ZNF804B: variants seen among roughly 807,000 people sequenced by gnomAD.
ZNF804B encodes zinc finger 804B.
In ZNF804B, 80 loss-of-function variants were observed where a neutral mutation model predicts 101.4. That is an observed-to-expected ratio of 0.79 (90% confidence interval 0.66 to 0.95). ZNF804B has a LOEUF of 0.95. Among genes scored for constraint, ZNF804B ranks in the 40% least tolerant of loss-of-function variants. The pLI is 0.00. For missense variants in ZNF804B, 1,673 were observed against 1,561.9 expected (o/e 1.07, Z -1.20); for synonymous variants, 622 against 558.8 (o/e 1.11, Z -1.59).
At chr7:89,191,788 C>A (rs1472721584) in intron 1 of ZNF804B, among the ~76,000 whole-genome samples, 1 of 151,822 alleles carries the variant, frequency 6.6e-6, no homozygotes, top group Non-Finnish European at 1.5e-5. Flanking sequence ...AAATTAATTG[C>A]CTGAGGACAT....
intron 1 of ZNF804B, among the ~76,000 whole-genome samples, chr7:88,788,065 G>T (rs553666932): frequency 6.6e-6 from 1 of 152,084 alleles, no homozygotes; most frequent in African/African-American, 2.4e-5. Context: ...AACAAAGAGG[G>T]TATAGGGAGG....
chr7:88,941,415 A>AT (rs1434151054), intron 1 of ZNF804B, among the ~76,000 whole-genome samples: 1 of 152,074 alleles, frequency 6.6e-6, no homozygotes, highest in East Asian at 1.9e-4. Context: ...AGATAAGGGA[A>AT]TATTATTCAG....
chr7:89,139,128 T>C (rs1430559003), intron 1 of ZNF804B, among the ~76,000 whole-genome samples: 2 of 152,100 alleles, frequency 1.3e-5, no homozygotes, highest in South Asian at 2.1e-4. Context: ...TTTTTTTTGT[T>C]CTCTCATGCA....
Position 89,334,675 on chromosome 7 carries a change from G to A in ZNF804B, c.1693G>A (p.Glu565Lys), listed in dbSNP as rs1791046872. Reference sequence around the variant, plus strand: ...CAGTGATTCTGAGCCAAATAAGAGTGAATATACTTTCAGTGCAAATGATTT... The same window carrying A: ...CAGTGATTCTGAGCCAAATAAGAGTAAATATACTTTCAGTGCAAATGATTT... ...DYSDSEPNKS[E>K]YTFSANDLEM... Residue 565 changes from glutamate (E) to lysine (K), a missense_variant, in exon 4 of 4, where the codon GAA becomes AAA. Glu to Lys is a moderately conservative substitution (Grantham distance 56). Coordinates refer to ENST00000333190, the MANE Select transcript of ZNF804B (RefSeq NM_181646.5). 6.2e-7 allele frequency: 1 copy of A among 1,613,612 alleles called. No homozygotes were observed. The highest frequency in any genetic ancestry group is 1.1e-5 in the South Asian group (1 of 91,064).
chr7:89,121,760 GTTATTAGTGT>G (rs1187653393), intron 1 of ZNF804B, among the ~76,000 whole-genome samples: 2 of 152,170 alleles, frequency 1.3e-5, no homozygotes, highest in Admixed American at 6.5e-5. Context: ...TGGTAATTGT[GTTATTAGTGT>G]TTATTTCTAA....
intron 1 of ZNF804B, among the ~76,000 whole-genome samples, chr7:88,833,105 C>A (rs1438224403): frequency 6.7e-6 from 1 of 149,026 alleles, no homozygotes; most frequent in East Asian, 2.0e-4. Context: ...TATAAATTTG[C>A]AATTTAATAT....
chr7:89,213,581 A>T (rs1435445621), intron 1 of ZNF804B, among the ~76,000 whole-genome samples: 2 of 152,218 alleles, frequency 1.3e-5, no homozygotes, highest in East Asian at 3.8e-4. Flanking sequence ...ATGCATTTTT[A>T]AAATTATAAT....
chr7:89,133,158 A>G (rs762847596), intron 1 of ZNF804B, among the ~76,000 whole-genome samples: 1 of 151,990 alleles, frequency 6.6e-6, no homozygotes, highest in Admixed American at 6.6e-5. Flanking sequence ...TGGCAGCTGG[A>G]GGCTGTTGGA....
intron 1 of ZNF804B, among the ~76,000 whole-genome samples, chr7:89,113,898 G>A (rs1266832162): frequency 2.0e-5 from 3 of 151,494 alleles, no homozygotes; most frequent in South Asian, 2.1e-4. Flanking sequence ...GTAGTCAGCC[G>A]AGATCGTGCC....
chr7:89,100,317 A>C (rs1487617631), intron 1 of ZNF804B, among the ~76,000 whole-genome samples: 4 of 152,122 alleles, frequency 2.6e-5, no homozygotes, highest in Non-Finnish European at 4.4e-5. Flanking sequence ...TCAAATCAAA[A>C]TGTATTGAAG....
chr7:89,307,124 T>G (rs1790577384), intron 2 of ZNF804B, among the ~76,000 whole-genome samples: 1 of 152,026 alleles, frequency 6.6e-6, no homozygotes, highest in Non-Finnish European at 1.5e-5. Flanking sequence ...ATGAAGCCTC[T>G]AATGTTTCCA....
At chr7:89,222,962 T>A (rs1232281250) in intron 2 of ZNF804B, among the ~76,000 whole-genome samples, 2 of 151,946 alleles carry the variant, frequency 1.3e-5, no homozygotes, top group Non-Finnish European at 2.9e-5. Context: ...GCCCAAAATA[T>A]TTTGAAAATT....
At chr7:88,913,743 T>C (rs999510580) in intron 1 of ZNF804B, among the ~76,000 whole-genome samples, 5 of 152,212 alleles carry the variant, frequency 3.3e-5, no homozygotes, top group Non-Finnish European at 7.3e-5. Flanking sequence ...AAACAGTGTG[T>C]TGTCCTCTAC....
chr7:88,876,618 C>G (rs1472792712), intron 1 of ZNF804B, among the ~76,000 whole-genome samples: 1 of 152,074 alleles, frequency 6.6e-6, no homozygotes, highest in Non-Finnish European at 1.5e-5. Flanking sequence ...CTTCTTTACT[C>G]TCTTGTTGCA....
At chr7:89,026,764 G>A in intron 1 of ZNF804B, among the ~76,000 whole-genome samples, 1 of 152,262 alleles carries the variant, frequency 6.6e-6, no homozygotes, top group East Asian at 1.9e-4. Context: ...CCCAGGAGAA[G>A]TGAGAAGCCT....
At chr7:88,903,159 C>G (rs1052551909) in intron 1 of ZNF804B, among the ~76,000 whole-genome samples, 6 of 151,278 alleles carry the variant, frequency 4.0e-5, no homozygotes, top group African/African-American at 1.5e-4. Context: ...TCCACATGTG[C>G]TCAATGTTGC....
chr7:89,079,454 G>A (rs1228010278), intron 1 of ZNF804B, among the ~76,000 whole-genome samples: 1 of 151,958 alleles, frequency 6.6e-6, no homozygotes, highest in African/African-American at 2.4e-5. Context: ...CTCTTAGGCA[G>A]GTAACCCTTT....
At chr7:88,766,902 C>CTT (rs149755538) in intron 1 of ZNF804B, among the ~76,000 whole-genome samples, 1 of 152,018 alleles carries the variant, frequency 6.6e-6, no homozygotes, top group Non-Finnish European at 1.5e-5. Flanking sequence ...TGCCAGTTTT[C>CTT]TTTTTTTCTT....
At chr7:89,319,500 C>T (rs987040130) in intron 2 of ZNF804B, among the ~76,000 whole-genome samples, 1 of 152,128 alleles carries the variant, frequency 6.6e-6, no homozygotes, top group African/African-American at 2.4e-5. Context: ...AGCTGTCTGC[C>T]GCTGGTAGAC....
Sources: allele counts gnomAD v4.1 joint callset (sites outside exome capture counted in the v4.1 genomes callset), GRCh38; gene constraint gnomAD v4.1.1; transcripts MANE v1.5; gene names NCBI Gene and HGNC (gene_info 2026-07-23, HGNC 2026-07-21).